Variants in SYTL5 observed in about 807,000 individuals in gnomAD.
SYTL5 encodes synaptotagmin like 5.
In SYTL5, 34 loss-of-function variants were observed where a neutral mutation model predicts 55.9. The observed-to-expected ratio is 0.61, with a 90% CI of 0.46 to 0.81. The LOEUF is 0.81. SYTL5 is among the 30% of genes least tolerant of loss of function. The pLI, the probability that SYTL5 is intolerant of heterozygous loss-of-function variation, is 0.00. For missense variants in SYTL5, 637 were observed against 546.7 expected, an observed-to-expected ratio of 1.17 and a Z score of -1.65; for synonymous variants, 221 against 188.7, an observed-to-expected ratio of 1.17 and a Z score of -1.40.
At chrX:38,087,008 C>A (rs1236853986) in intron 6 of SYTL5, among the ~76,000 whole-genome samples, 2 of 111,424 alleles carry the variant, frequency 1.8e-5, no homozygotes, top group East Asian at 2.8e-4. Flanking sequence ...AATTAATCAA[C>A]TTCTGCCAGA....
At chrX:37,987,742 C>T in the SYTL5 span, among the ~76,000 whole-genome samples, 18,301 of 111,386 alleles carry the variant, frequency 0.16, 2,819 homozygotes, top group African/African-American at 0.48. Context: ...TGTCAGAACC[C>T]TTATTTCTTT....
chrX:38,042,573 C>A (rs896656814), intron 2 of SYTL5, among the ~76,000 whole-genome samples: 1 of 111,572 alleles, frequency 9.0e-6, no homozygotes. Flanking sequence ...ATTTTACTAC[C>A]CTTTCCCTTC....
At chrX:38,048,354 G>T (rs1284072748) in intron 2 of SYTL5, among the ~76,000 whole-genome samples, 1 of 108,810 alleles carries the variant, frequency 9.2e-6, no homozygotes, top group Non-Finnish European at 1.9e-5. Flanking sequence ...ACATTTTCCT[G>T]TCTTCTTCTG....
chrX:37,947,920 C>T, the SYTL5 span, among the ~76,000 whole-genome samples: 1 of 111,354 alleles, frequency 9.0e-6, no homozygotes, highest in Non-Finnish European at 1.9e-5. Context: ...TCTCCTGTGC[C>T]TCCCCAACTC....
chrX:38,087,277 C>T (rs1936679854), intron 6 of SYTL5, among the ~76,000 whole-genome samples: 1 of 111,831 alleles, frequency 8.9e-6, no homozygotes, highest in Admixed American at 9.5e-5. Flanking sequence ...GGTCACAGTA[C>T]AGCATCAATG....
intron 9 of SYTL5, among the ~76,000 whole-genome samples, chrX:38,097,359 G>C (rs1355065510): frequency 9.1e-6 from 1 of 110,165 alleles, no homozygotes; most frequent in Non-Finnish European, 1.9e-5. Context: ...AGTTCAGCAA[G>C]GTTGCAGGAG....
the SYTL5 span, among the ~76,000 whole-genome samples, chrX:37,907,893 T>A: frequency 1.4e-4 from 15 of 110,435 alleles, no homozygotes; most frequent in East Asian, 2.8e-4. Flanking sequence ...TTTAATTTTT[T>A]ATTTTTTATT....
chrX:38,042,760 T>C (rs1003902118), intron 2 of SYTL5, among the ~76,000 whole-genome samples: 2 of 110,757 alleles, frequency 1.8e-5, no homozygotes, highest in African/African-American at 6.6e-5. Flanking sequence ...GAAGGGGGAG[T>C]AAAGAAGACC....
intron 3 of SYTL5, among the ~76,000 whole-genome samples, chrX:38,058,291 G>A (rs752035009): frequency 5.4e-5 from 6 of 111,169 alleles, no homozygotes; most frequent in Non-Finnish European, 9.5e-5. Flanking sequence ...ATCAGATATC[G>A]AGAAAGGTAT....
chrX:37,914,465 G>T, the SYTL5 span, among the ~76,000 whole-genome samples: 1 of 111,160 alleles, frequency 9.0e-6, no homozygotes, highest in Non-Finnish European at 1.9e-5. Context: ...TCATGCAGTT[G>T]GGTATCATTT....
chrX:38,013,590 C>A (rs755284332), intron 1 of SYTL5, among the ~76,000 whole-genome samples: 3 of 111,690 alleles, frequency 2.7e-5, no homozygotes, highest in African/African-American at 9.7e-5. Flanking sequence ...ATTTTAGAGC[C>A]AAGATTTAAA....
chrX:37,903,529 A>G, the SYTL5 span, among the ~76,000 whole-genome samples: 1 of 87,195 alleles, frequency 1.1e-5, no homozygotes, highest in East Asian at 3.9e-4. Context: ...GAAGGGGAAC[A>G]TCACACACTG....
In SYTL5 at chrX:38,126,133, C is replaced by T. The variant is rs1276037596; in HGVS notation, c.2051-455C>T. ...CTAAGCCAGACATAGATGAGACCAT[C>T]AGCATACACCATGGTAAACATTTCT... On this transcript the variant is annotated intron_variant, in intron 16 of 16. Transcript: ENST00000297875. Among the ~76,000 whole-genome samples, 3 of 111,890 alleles carry T rather than the reference C, an allele frequency of 2.7e-5. No homozygotes were observed. In the Admixed American group the frequency reaches 2.9e-4, roughly 11 times the overall value.
the SYTL5 span, among the ~76,000 whole-genome samples, chrX:37,953,313 G>A: frequency 1.8e-5 from 2 of 110,949 alleles, no homozygotes; most frequent in Non-Finnish European, 3.8e-5. Context: ...AGGATGAAAT[G>A]AATATAATAG....
At chrX:38,026,184 C>T (rs891078860) in intron 1 of SYTL5, among the ~76,000 whole-genome samples, 1 of 112,444 alleles carries the variant, frequency 8.9e-6, no homozygotes, top group African/African-American at 3.2e-5. Context: ...TAGTTGGAGT[C>T]TGGATGGGCA....
chrX:37,987,709 T>C, the SYTL5 span, among the ~76,000 whole-genome samples: 1 of 111,877 alleles, frequency 8.9e-6, no homozygotes, highest in East Asian at 2.8e-4. Flanking sequence ...ACCATTTAAG[T>C]AGATATTTGC....
the SYTL5 span, among the ~76,000 whole-genome samples, chrX:37,966,542 A>T: frequency 1.5e-4 from 16 of 103,755 alleles, no homozygotes; most frequent in African/African-American, 5.7e-4. Flanking sequence ...GGATCAAGCG[A>T]TTCTCCTGCC....
chrX:37,943,822 G>A, the SYTL5 span, among the ~76,000 whole-genome samples: 1 of 110,809 alleles, frequency 9.0e-6, no homozygotes, highest in Non-Finnish European at 1.9e-5. Context: ...TTTGTAAATC[G>A]AGAGAATTTG....
the SYTL5 span, among the ~76,000 whole-genome samples, chrX:37,907,902 T>A: frequency 1.8e-5 from 2 of 111,264 alleles, no homozygotes; most frequent in East Asian, 5.6e-4. Flanking sequence ...TTATTTTTTA[T>A]TTTTTATTTT....
Sources: allele counts gnomAD v4.1 joint callset (sites outside exome capture counted in the v4.1 genomes callset), GRCh38; gene constraint gnomAD v4.1.1; transcripts MANE v1.5; gene names NCBI Gene and HGNC (gene_info 2026-07-23, HGNC 2026-07-21).